The following DHX57 variants were observed in gnomAD, a reference collection of about 807,000 sequenced individuals.
DHX57 encodes DExH-box helicase 57.
In DHX57, 105 loss-of-function variants were observed where a neutral mutation model predicts 156.2. The ratio of observed to expected loss-of-function variants is 0.67; its 90% CI spans 0.57 to 0.79. The LOEUF is 0.79. DHX57 is among the 30% of genes least tolerant of loss of function. The pLI, the probability that DHX57 is intolerant of heterozygous loss-of-function variation, is 0.00. For missense variants in DHX57, 1,847 were observed against 1,661.9 expected (o/e 1.11, Z -1.94); for synonymous variants, 704 against 595.6 (o/e 1.18, Z -2.65).
At chr2:38,847,161 G>A (rs947653421) in intron 10 of DHX57, 88 bp from the exon 11 acceptor site, 1 of 1,030,906 alleles carries the variant, frequency 9.7e-7, no homozygotes, top group African/African-American at 1.6e-5. Context: ...TTCTCTTAAA[G>A]CTTGTCATGC....
At chr2:38,819,265 C>A in intron 17 of DHX57, 121 bp from the exon 18 acceptor site, 1 of 867,744 alleles carries the variant, frequency 1.2e-6, no homozygotes, top group Non-Finnish European at 1.8e-6. Flanking sequence ...ACCTTTATCT[C>A]CCAGGCTTAA....
rs780899834 is a variant in DHX57, at chr2:38,813,857, T to G, written c.3645A>C (p.Ala1215=). 2.3e-5 allele frequency: 37 copies of G among 1,613,638 alleles called. No individual in the cohort carries two copies. In the East Asian group the frequency reaches 7.6e-4, roughly 33 times the overall value. ...TTGGATACAAAGCAGCACACAGCATTGCTGATATCAGCTTGGGGTTCTCAG... is the reference window on the plus strand; with the variant it reads ...TTGGATACAAAGCAGCACACAGCATGGCTGATATCAGCTTGGGGTTCTCAG... ...SNAENPKLIS[A]MLCAALYPNV... The change falls in exon 21 of 24, where the codon GCA becomes GCC. Residue 1215 remains alanine, a synonymous_variant. Transcript: ENST00000457308.
At chr2:38,827,091 A>G (rs955847468) in intron 14 of DHX57, among the ~76,000 whole-genome samples, 1 of 152,106 alleles carries the variant, frequency 6.6e-6, no homozygotes, top group African/African-American at 2.4e-5. Context: ...ACATCCTGCC[A>G]TTGCACTTCA....
At chr2:38,846,994 G>A in intron 11 of DHX57, 25 bp downstream of exon 11, 1 of 1,597,622 alleles carries the variant, frequency 6.3e-7, no homozygotes, top group Non-Finnish European at 8.6e-7. Flanking sequence ...TCCTTTCACT[G>A]AATCTTAATT....
chr2:38,833,972 C>T (rs1284714862), intron 13 of DHX57, among the ~76,000 whole-genome samples: 1 of 152,142 alleles, frequency 6.6e-6, no homozygotes, highest in Non-Finnish European at 1.5e-5. Flanking sequence ...CTCACACACA[C>T]ATACTTATGG....
chr2:38,835,548 G>T (rs1671607684), intron 13 of DHX57, among the ~76,000 whole-genome samples: 1 of 152,112 alleles, frequency 6.6e-6, no homozygotes, highest in Admixed American at 6.6e-5. Context: ...CAACACCAAA[G>T]ACACTGAAGT....
intron 21 of DHX57, chr2:38,810,504 C>T (rs1670183454): frequency 1.8e-6 from 1 of 555,534 alleles, no homozygotes; most frequent in South Asian, 1.4e-5. Flanking sequence ...GTTGATGAGA[C>T]TGGTGTCACC....
chr2:38,851,620 C>T (rs1406434291), intron 9 of DHX57, among the ~76,000 whole-genome samples: 1 of 152,052 alleles, frequency 6.6e-6, no homozygotes, highest in Non-Finnish European at 1.5e-5. Flanking sequence ...TTCTACAGAT[C>T]CTTAGGTTTT....
intron 10 of DHX57, among the ~76,000 whole-genome samples, 196 bp from the exon 11 acceptor site, chr2:38,847,269 G>C (rs1297376854): frequency 6.6e-6 from 1 of 152,224 alleles, no homozygotes; most frequent in Non-Finnish European, 1.5e-5. Flanking sequence ...AACAGAAGCA[G>C]TGTATAGGTA....
In DHX57 at chr2:38,863,146, A is replaced by T. The variant is rs1012320973; in HGVS notation, c.383+215T>A. On this transcript the variant is annotated intron_variant, in intron 3 of 23. Transcript: ENST00000457308. ...TATGAGCACTGCCCTGGAAAAAAATAAAGATAAAAAGGCAATCCCATGGAT... is the reference window on the plus strand; with the variant it reads ...TATGAGCACTGCCCTGGAAAAAAATTAAGATAAAAAGGCAATCCCATGGAT... 7.9e-6 allele frequency: 4 copies of T among 505,928 alleles called. No homozygotes were observed. The East Asian group carries it at 1.3e-4, about 17-fold the overall frequency. The allele number at this position is 505,928 out of a possible 1,614,324, so 31.3% of individuals were successfully genotyped here.
intron 2 of DHX57, among the ~76,000 whole-genome samples, chr2:38,867,562 C>A (rs1665142971): frequency 6.6e-6 from 1 of 152,012 alleles, no homozygotes; most frequent in African/African-American, 2.4e-5. Context: ...TTAGGCTGTT[C>A]AATGTTTGTT....
intron 1 of DHX57, 28 bp from the exon 2 acceptor site, chr2:38,868,439 A>G (rs781116425): frequency 6.2e-7 from 1 of 1,601,966 alleles, no homozygotes; most frequent in South Asian, 1.1e-5. Flanking sequence ...TAATGTAGAC[A>G]TCATAAAACC....
At position 38,825,039 on chromosome 2, in the gene DHX57, T is replaced by C. The variant is rs367946125; in HGVS notation, c.3014+808A>G. On this transcript the variant is annotated intron_variant, in intron 16 of 23. Transcript: ENST00000457308. ...AAACTAGTGTTTTAAATTATGAACT[T>C]CATTCAGAAAAAGAGTTCTCATTTT... Among the ~76,000 whole-genome samples the C allele has an allele frequency of 8.5e-5, 13 of 152,308 alleles. No homozygotes were observed. The East Asian group carries it at 2.1e-3, about 25-fold the overall frequency.
chr2:38,817,837 A>ACAG (rs1670619991), intron 19 of DHX57, among the ~76,000 whole-genome samples: 1 of 152,064 alleles, frequency 6.6e-6, no homozygotes, highest in African/African-American at 2.4e-5. Context: ...AGATGGGATT[A>ACAG]CAGGCCCATG....
At chr2:38,856,303 T>C (rs1294181837) in intron 7 of DHX57, 37 bp downstream of exon 7, 9 of 1,589,062 alleles carry the variant, frequency 5.7e-6, no homozygotes, top group East Asian at 4.5e-5. Context: ...ATAATATTTA[T>C]AGATGAAAGC....
chr2:38,807,583 T>A (rs1670017961), intron 21 of DHX57, among the ~76,000 whole-genome samples: 1 of 151,950 alleles, frequency 6.6e-6, no homozygotes, highest in Non-Finnish European at 1.5e-5. Flanking sequence ...GGTCTCGATC[T>A]CCTGACCTTG....
chr2:38,853,044 G>GTTCTTTTCTTTTC (rs1553333759), intron 9 of DHX57: 7 of 153,066 alleles, frequency 4.6e-5, no homozygotes, highest in African/African-American at 1.8e-4. Context: ...TCATATTTCA[G>GTTCTTTTCTTTTC]TTTTCTTTTC....
Position 38,798,286 on chromosome 2 carries a change from C to T in DHX57, c.*13G>A, listed in dbSNP as rs1669485457. On this transcript the variant is annotated 3_prime_UTR_variant, in exon 24 of 24. Transcript: ENST00000457308. ...GAAGCAGGTGAGTAGCAAGCACTCT[C>T]TAAGACTGCTTTTTATTGTGTGGTG... 6.2e-7 allele frequency: 1 copy of T among 1,610,006 alleles called. No individual in the cohort carries two copies. Among genetic ancestry groups the T allele is most frequent in the Non-Finnish European group, 8.5e-7 (1 of 1,178,404 alleles).
Position 38,856,465 on chromosome 2 carries a change from ATAAAATCAAAGATAAGATAT to A in DHX57, c.1588-24_1588-5del. The A allele has an allele frequency of 6.3e-7, 1 of 1,587,494 alleles. No homozygotes were observed. The highest frequency in any genetic ancestry group is 8.5e-7 in the Non-Finnish European group (1 of 1,173,412). The stretch of plus-strand genomic sequence containing the variant: ...TGGACTGGAACTGTCTGGAAGCCTA[ATAAAATCAAAGATAAGATAT>A]CAGTTGGGTTACTTTTTCTTTTTTT... On this transcript the variant is annotated splice_polypyrimidine_tract_variant and splice_region_variant and intron_variant, in intron 6 of 23. Coordinates refer to ENST00000457308, the MANE Select transcript of DHX57 (RefSeq NM_198963.3).
Sources: allele counts gnomAD v4.1 joint callset (sites outside exome capture counted in the v4.1 genomes callset), GRCh38; gene constraint gnomAD v4.1.1; transcripts MANE v1.5; gene names NCBI Gene and HGNC (gene_info 2026-07-23, HGNC 2026-07-21).